L3MBTL4: variants seen among roughly 807,000 people sequenced by gnomAD.
L3MBTL4 encodes the protein lethal(3)malignant brain tumor-like protein 4.
Under a neutral mutation model 84.5 loss-of-function variants are expected in L3MBTL4, and 70 were observed. The observed-to-expected ratio is 0.83, with a 90% confidence interval of 0.68 to 1.01. The LOEUF (loss-of-function observed/expected upper bound fraction) is 1.01. Ranked by LOEUF, L3MBTL4 falls within the 50% of genes least tolerant of loss-of-function variation. The pLI is 0.00. For synonymous variants in L3MBTL4, 274 were observed against 259.8 expected (o/e 1.05, Z -0.52); for missense variants, 715 against 754.8 (o/e 0.95, Z 0.62).
intron 13 of L3MBTL4, among the ~76,000 whole-genome samples, chr18:6,165,401 GA>G (rs1462524655): frequency 6.6e-6 from 1 of 152,104 alleles, no homozygotes; most frequent in Middle Eastern, 3.2e-3. Context: ...AAGTTGAAAT[GA>G]AGAAAAAAAT....
chr18:6,161,782 T>C (rs1013583622), intron 13 of L3MBTL4, among the ~76,000 whole-genome samples: 1 of 152,136 alleles, frequency 6.6e-6, no homozygotes, highest in Non-Finnish European at 1.5e-5. Flanking sequence ...CTGCTCACTC[T>C]GTAAAACAAC....
At chr18:6,093,863 T>C (rs2058542771) in intron 14 of L3MBTL4, among the ~76,000 whole-genome samples, 1 of 152,252 alleles carries the variant, frequency 6.6e-6, no homozygotes, top group Non-Finnish European at 1.5e-5. Flanking sequence ...TCAGTTTGTA[T>C]CCTCAATATG....
At chr18:6,107,181 C>T (rs2059038195) in intron 14 of L3MBTL4, among the ~76,000 whole-genome samples, 1 of 152,096 alleles carries the variant, frequency 6.6e-6, no homozygotes, top group Non-Finnish European at 1.5e-5. Context: ...GCTCCTGTTG[C>T]CGCCCTTGTT....
At chr18:6,383,785 C>T (rs1001046337) in intron 1 of L3MBTL4, among the ~76,000 whole-genome samples, 5 of 152,170 alleles carry the variant, frequency 3.3e-5, no homozygotes, top group African/African-American at 9.7e-5. Context: ...CCTATTAAAT[C>T]GTGTTTCCTA....
At chr18:6,321,552 C>G (rs1735759625) in intron 1 of L3MBTL4, among the ~76,000 whole-genome samples, 1 of 152,134 alleles carries the variant, frequency 6.6e-6, no homozygotes, top group South Asian at 2.1e-4. Flanking sequence ...AATCCCACTA[C>G]TGGGTATCTA....
At chr18:6,303,389 G>A (rs562712966) in intron 3 of L3MBTL4, among the ~76,000 whole-genome samples, 1 of 152,194 alleles carries the variant, frequency 6.6e-6, no homozygotes, top group Non-Finnish European at 1.5e-5. Flanking sequence ...CCAAAGTGCT[G>A]GGATTACAGG....
chr18:6,033,938 T>C (rs1285556040), intron 16 of L3MBTL4, among the ~76,000 whole-genome samples: 2 of 152,228 alleles, frequency 1.3e-5, no homozygotes, highest in Non-Finnish European at 2.9e-5. Context: ...TTACAAACCA[T>C]TGTTATACTA....
At chr18:6,181,825 T>C (rs1484319717) in intron 12 of L3MBTL4, among the ~76,000 whole-genome samples, 3 of 152,240 alleles carry the variant, frequency 2.0e-5, no homozygotes, top group East Asian at 1.9e-4. Context: ...TCTCTGTTGC[T>C]ATAAAGGACA....
intron 4 of L3MBTL4, among the ~76,000 whole-genome samples, chr18:6,299,334 C>T (rs2050234619): frequency 6.6e-6 from 1 of 152,090 alleles, no homozygotes; most frequent in East Asian, 1.9e-4. Context: ...TATTTTTTCC[C>T]ATCCCATTTC....
At chr18:6,327,843 G>C (rs529682080) in intron 1 of L3MBTL4, among the ~76,000 whole-genome samples, 5 of 152,272 alleles carry the variant, frequency 3.3e-5, no homozygotes, top group Admixed American at 1.3e-4. Flanking sequence ...GTTATAGGAG[G>C]AATTTTATAC....
chr18:6,160,726 C>T (rs1201860614), intron 13 of L3MBTL4, among the ~76,000 whole-genome samples: 2 of 138,028 alleles, frequency 1.4e-5, no homozygotes, highest in African/African-American at 5.7e-5. Flanking sequence ...AATAAAGATC[C>T]GTCTCAAAAA....
intron 4 of L3MBTL4, among the ~76,000 whole-genome samples, chr18:6,281,218 T>C (rs1047823324): frequency 6.6e-6 from 1 of 152,198 alleles, no homozygotes; most frequent in Admixed American, 6.5e-5. Flanking sequence ...AACATAATAG[T>C]TGTCACATGG....
intron 16 of L3MBTL4, among the ~76,000 whole-genome samples, chr18:6,050,946 T>C (rs992009710): frequency 1.3e-5 from 2 of 152,148 alleles, no homozygotes; most frequent in African/African-American, 4.8e-5. Context: ...TGGCCTCAGG[T>C]CTCTGGGGAA....
intron 14 of L3MBTL4, among the ~76,000 whole-genome samples, chr18:6,100,415 A>G (rs141867546): frequency 0.012 from 1,780 of 152,232 alleles, 34 homozygotes; most frequent in African/African-American, 0.037. Flanking sequence ...CATATTTATT[A>G]AAATTGCTTG....
At chr18:6,300,117 C>T (rs1354636137) in intron 4 of L3MBTL4, among the ~76,000 whole-genome samples, 4 of 152,036 alleles carry the variant, frequency 2.6e-5, no homozygotes, top group Non-Finnish European at 5.9e-5. Context: ...TTATAAGCAT[C>T]CTCAATAAAA....
At chr18:6,177,983 A>T (rs1402609574) in intron 12 of L3MBTL4, among the ~76,000 whole-genome samples, 1 of 152,194 alleles carries the variant, frequency 6.6e-6, no homozygotes, top group Non-Finnish European at 1.5e-5. Flanking sequence ...AAGCACAAAC[A>T]GGACAGGACA....
intron 14 of L3MBTL4, among the ~76,000 whole-genome samples, chr18:6,135,357 A>T (rs1297486628): frequency 1.3e-5 from 2 of 152,170 alleles, no homozygotes; most frequent in Middle Eastern, 3.2e-3. Flanking sequence ...CTTGCTACTT[A>T]TGCAAATTTC....
chr18:5,973,839 A>G (rs2144870369), intron 16 of L3MBTL4, among the ~76,000 whole-genome samples: 1 of 152,330 alleles, frequency 6.6e-6, no homozygotes, highest in African/African-American at 2.4e-5. Flanking sequence ...GATGCTTCCC[A>G]GTTGCACGAC....
At chr18:6,036,056 C>T (rs142459097) in intron 16 of L3MBTL4, among the ~76,000 whole-genome samples, 17 of 152,202 alleles carry the variant, frequency 1.1e-4, no homozygotes, top group Admixed American at 3.9e-4. Context: ...AGGTTTCTGA[C>T]GAGAAATTTG....
Sources: allele counts gnomAD v4.1 joint callset (sites outside exome capture counted in the v4.1 genomes callset), GRCh38; gene constraint gnomAD v4.1.1; transcripts MANE v1.5; gene names NCBI Gene and HGNC (gene_info 2026-07-23, HGNC 2026-07-21).